AOAH: variants seen among roughly 807,000 people sequenced by gnomAD.
AOAH encodes acyloxyacyl hydrolase (neutrophil).
In AOAH, 64 loss-of-function variants were observed where a neutral mutation model predicts 92.2. The observed-to-expected ratio is 0.69, with a 90% CI of 0.57 to 0.86. The LOEUF is 0.86. AOAH is among the 40% of genes least tolerant of loss of function. The pLI, the probability that AOAH is intolerant of heterozygous loss-of-function variation, is 0.00. For synonymous variants in AOAH, 263 were observed against 254.5 expected, an observed-to-expected ratio of 1.03 and a Z score of -0.32; for missense variants, 656 against 694.6, an observed-to-expected ratio of 0.94 and a Z score of 0.62.
intron 20 of AOAH, among the ~76,000 whole-genome samples, chr7:36,517,346 A>G (rs1562854398): frequency 6.8e-6 from 1 of 147,344 alleles, no homozygotes; most frequent in African/African-American, 2.6e-5. Context: ...GCTGGAGTGC[A>G]GTGGCCAGAT....
intron 11 of AOAH, 119 bp from the exon 12 acceptor site, chr7:36,594,549 G>A (rs1177795759): frequency 1.2e-5 from 10 of 835,760 alleles, no homozygotes; most frequent in Middle Eastern, 2.2e-4. Context: ...TCAATCTCTC[G>A]CTTTAAGGGC....
chr7:36,589,576 C>T (rs1789601072), intron 12 of AOAH, among the ~76,000 whole-genome samples: 1 of 152,144 alleles, frequency 6.6e-6, no homozygotes, highest in Non-Finnish European at 1.5e-5. Flanking sequence ...ATCATGTTGC[C>T]CAATAACCAT....
At chr7:36,707,372 T>C (rs1798488820) in intron 1 of AOAH, among the ~76,000 whole-genome samples, 1 of 152,026 alleles carries the variant, frequency 6.6e-6, no homozygotes, top group African/African-American at 2.4e-5. Context: ...ACAATTACAA[T>C]AGTAACATCA....
chr7:36,563,802 G>A (rs1339390927), intron 13 of AOAH, among the ~76,000 whole-genome samples: 1 of 152,082 alleles, frequency 6.6e-6, no homozygotes, highest in Non-Finnish European at 1.5e-5. Flanking sequence ...AATCCATCAT[G>A]AGAAATTTAA....
chr7:36,655,597 A>C (rs1794832790), intron 4 of AOAH, among the ~76,000 whole-genome samples: 1 of 152,210 alleles, frequency 6.6e-6, no homozygotes. Flanking sequence ...ATTTGTACTT[A>C]GTTGTGTAGG....
intron 4 of AOAH, among the ~76,000 whole-genome samples, chr7:36,644,649 G>A (rs11979472): frequency 0.27 from 41,310 of 152,020 alleles, 7,140 homozygotes; most frequent in African/African-American, 0.49. Context: ...GTTCTGTGAT[G>A]TTAAAGAATT....
At chr7:36,652,921 G>A (rs576544580) in intron 4 of AOAH, among the ~76,000 whole-genome samples, 16 of 152,262 alleles carry the variant, frequency 1.1e-4, no homozygotes, top group African/African-American at 3.6e-4. Flanking sequence ...TAGAGGAGAA[G>A]CATGTGTAAT....
At chr7:36,574,180 C>T (rs1190710305) in intron 13 of AOAH, among the ~76,000 whole-genome samples, 2 of 152,054 alleles carry the variant, frequency 1.3e-5, no homozygotes, top group African/African-American at 4.8e-5. Flanking sequence ...GAAAAATAGT[C>T]GAGGATAGTA....
intron 20 of AOAH, among the ~76,000 whole-genome samples, chr7:36,515,574 CCA>C (rs1450244596): frequency 1.8e-5 from 2 of 111,180 alleles, no homozygotes; most frequent in Non-Finnish European, 3.6e-5. Flanking sequence ...CACACCCCCC[CCA>C]CACACCACAC....
At chr7:36,623,144 G>A (rs946621360) in intron 7 of AOAH, 46 bp downstream of exon 7, 6 of 1,465,962 alleles carry the variant, frequency 4.1e-6, no homozygotes, top group Non-Finnish European at 5.7e-6. Context: ...TGTGTAGGAA[G>A]CAATGTGATG....
At chr7:36,625,259 C>A (rs548365194) in intron 6 of AOAH, among the ~76,000 whole-genome samples, 2 of 152,268 alleles carry the variant, frequency 1.3e-5, no homozygotes, top group African/African-American at 4.8e-5. Context: ...AGTGCTCTTG[C>A]CAGATACTGA....
chr7:36,537,408 T>G (rs1785138431), intron 16 of AOAH, among the ~76,000 whole-genome samples: 1 of 152,144 alleles, frequency 6.6e-6, no homozygotes, highest in African/African-American at 2.4e-5. Flanking sequence ...CAACCTTGCA[T>G]GACTGACAGT....
intron 11 of AOAH, among the ~76,000 whole-genome samples, chr7:36,605,500 T>C (rs1790932212): frequency 6.6e-6 from 1 of 152,202 alleles, no homozygotes; most frequent in African/African-American, 2.4e-5. Context: ...AGCACAGGCA[T>C]TGACTGACTC....
chr7:36,559,834 C>T (rs925649321), intron 13 of AOAH, among the ~76,000 whole-genome samples: 1 of 152,026 alleles, frequency 6.6e-6, no homozygotes, highest in African/African-American at 2.4e-5. Context: ...AATGGTGTTT[C>T]CTAGGTTTTC....
At chr7:36,657,880 G>A (rs546834627) in intron 4 of AOAH, among the ~76,000 whole-genome samples, 59 of 152,218 alleles carry the variant, frequency 3.9e-4, no homozygotes, top group Non-Finnish European at 7.2e-4. Flanking sequence ...AACTTTTTGC[G>A]ACTATGTGTA....
At chr7:36,584,605 T>C (rs919695011) in intron 12 of AOAH, among the ~76,000 whole-genome samples, 1 of 152,232 alleles carries the variant, frequency 6.6e-6, no homozygotes, top group Admixed American at 6.5e-5. Flanking sequence ...AATATTTTAA[T>C]GTTAATTGTG....
intron 3 of AOAH, among the ~76,000 whole-genome samples, chr7:36,664,654 T>C (rs1245401917): frequency 6.6e-6 from 1 of 152,218 alleles, no homozygotes; most frequent in African/African-American, 2.4e-5. Context: ...TATAAAATAA[T>C]TTGCTGGGAT....
chr7:36,656,539 C>T (rs1308575858), intron 4 of AOAH, among the ~76,000 whole-genome samples: 3 of 151,776 alleles, frequency 2.0e-5, no homozygotes, highest in Non-Finnish European at 2.9e-5. Flanking sequence ...TTTAACTTGC[C>T]GGCTGCTCTA....
At chr7:36,530,163 G>A (rs34846278) in intron 19 of AOAH, among the ~76,000 whole-genome samples, 3,980 of 152,308 alleles carry the variant, frequency 0.026, 106 homozygotes, top group Admixed American at 0.06. Context: ...TTTCTAACCA[G>A]TCACTGGCTC....
Sources: allele counts gnomAD v4.1 joint callset (sites outside exome capture counted in the v4.1 genomes callset), GRCh38; gene constraint gnomAD v4.1.1; transcripts MANE v1.5; gene names NCBI Gene and HGNC (gene_info 2026-07-23, HGNC 2026-07-21).